DDX19B: variants seen among roughly 807,000 people sequenced by gnomAD.
DDX19B encodes the protein ATP-dependent RNA helicase DDX19B.
Under a neutral mutation model 58.1 loss-of-function variants are expected in DDX19B, and 27 were observed. The ratio of observed to expected loss-of-function variants is 0.46; its 90% confidence interval spans 0.34 to 0.64. DDX19B has a LOEUF of 0.64. Ranked by LOEUF, DDX19B falls within the 30% of genes least tolerant of loss-of-function variation. DDX19B has a pLI of 0.01. For synonymous variants in DDX19B, 187 were observed against 214.4 expected (o/e 0.87, Z 1.12); for missense variants, 399 against 596.5 (o/e 0.67, Z 3.45).
chr16:70,292,847 T>C (rs1265767585), upstream of DDX19B, among the ~76,000 whole-genome samples: 1 of 152,078 alleles, frequency 6.6e-6, no homozygotes, highest in Non-Finnish European at 1.5e-5. Context: ...GGCTCATGCC[T>C]GTAATCCCAA....
chr16:70,315,174 A>G (rs927160607), intron 3 of DDX19B, among the ~76,000 whole-genome samples: 1 of 151,222 alleles, frequency 6.6e-6, no homozygotes, highest in Non-Finnish European at 1.5e-5. Flanking sequence ...CAGGAGATCG[A>G]GACCATCCTG....
chr16:70,292,439 G>A (rs750290764), upstream of DDX19B, among the ~76,000 whole-genome samples: 8 of 152,064 alleles, frequency 5.3e-5, no homozygotes, highest in Non-Finnish European at 7.3e-5. Flanking sequence ...GAGCCATCGC[G>A]TCCGGCCCCC....
intron 7 of DDX19B, among the ~76,000 whole-genome samples, chr16:70,328,507 A>G (rs1375119903): frequency 2.0e-5 from 3 of 151,124 alleles, no homozygotes; most frequent in African/African-American, 7.3e-5. Flanking sequence ...AGATTACATG[A>G]GCCCACCACC....
At chr16:70,326,865 C>T (rs924040381) in intron 7 of DDX19B, among the ~76,000 whole-genome samples, 3 of 147,804 alleles carry the variant, frequency 2.0e-5, no homozygotes, top group East Asian at 4.1e-4. Flanking sequence ...GAGAGAGTCT[C>T]GCCCTGTCGC....
chr16:70,327,003 T>A (rs924133494), intron 7 of DDX19B, among the ~76,000 whole-genome samples: 13 of 151,684 alleles, frequency 8.6e-5, no homozygotes, highest in Non-Finnish European at 1.8e-4. Context: ...CCCAGCTAAT[T>A]TTTTGTATTT....
intron 7 of DDX19B, among the ~76,000 whole-genome samples, chr16:70,326,153 A>G (rs916298973): frequency 6.6e-6 from 1 of 152,164 alleles, no homozygotes; most frequent in East Asian, 1.9e-4. Context: ...AACATTTTGC[A>G]CAGACCAGAC....
chr16:70,323,487 G>A (rs566069170), intron 5 of DDX19B, among the ~76,000 whole-genome samples: 7 of 150,172 alleles, frequency 4.7e-5, no homozygotes, highest in Admixed American at 1.3e-4. Context: ...ACAGTGGCGC[G>A]ATCTCGGCTC....
upstream of DDX19B, among the ~76,000 whole-genome samples, chr16:70,294,433 T>C (rs958532087): frequency 5.9e-5 from 9 of 152,274 alleles, no homozygotes; most frequent in Non-Finnish European, 8.8e-5. Context: ...GCTGAGAGAT[T>C]ATACTTGGAA....
rs772727702 is a variant in DDX19B, at chr16:70,312,651, A to G, written c.100A>G (p.Thr34Ala). 2 of 1,611,496 alleles carry G rather than the reference A, an allele frequency of 1.2e-6. No individual in the cohort carries two copies. Among genetic ancestry groups the G allele is most frequent in the South Asian group, 1.1e-5 (1 of 90,786 alleles). The change falls in exon 2 of 12, where the codon ACC becomes GCC. Residue 34 changes from threonine (T) to alanine (A), a missense_variant. Coordinates refer to ENST00000288071, the MANE Select transcript of DDX19B (RefSeq NM_007242.7). ...HLKEEKIKPDTNGAVVKTNAN... is the reference protein window; with the variant it reads ...HLKEEKIKPDANGAVVKTNAN... ...TAAGGAAGAGAAAATCAAACCAGAT[A>G]CCAATGGTAAGTAACTAATAGCTAG...
chr16:70,333,189 C>T (rs966186871), intron 11 of DDX19B, 30 bp downstream of exon 11: 11 of 1,160,316 alleles, frequency 9.5e-6, no homozygotes, highest in South Asian at 3.0e-5. Context: ...CTGTGCCTGG[C>T]GCCCTTTGCT....
intron 5 of DDX19B, 88 bp from the exon 6 acceptor site, chr16:70,324,497 A>C: frequency 8.6e-7 from 1 of 1,162,896 alleles, no homozygotes; most frequent in Non-Finnish European, 1.3e-6. Flanking sequence ...AAGGTCTCCT[A>C]TAAATGAATT....
chr16:70,294,935 T>G, upstream of DDX19B: 1 of 1,508,294 alleles, frequency 6.6e-7, no homozygotes, highest in East Asian at 2.5e-5. Flanking sequence ...TCTGCGAGGG[T>G]AGAAGCCAGA....
rs755741830 is a variant in DDX19B at position 70,331,773 on chromosome 16, C to T, written c.1075C>T (p.Gln359Ter). Residue 359 changes from glutamine (Q) to a stop codon, truncating the protein, a stop_gained, in exon 10 of 12, where the codon CAG becomes TAG. Transcript: ENST00000288071. LOFTEE classifies it high-confidence loss of function. The stretch of plus-strand genomic sequence containing the variant: ...AGCAGAGCTCTCAAAAGAAGGCCAC[C>T]AGGTGGCTCTGCTGAGTGGGGAGAT... ...LAAELSKEGH[Q>*]VALLSGEMMV... 1 of 1,614,200 alleles carries T rather than the reference C, an allele frequency of 6.2e-7. No homozygotes were observed. The highest frequency in any genetic ancestry group is 1.1e-5 in the South Asian group (1 of 91,084).
At chr16:70,296,771 C>G (rs1237007858), upstream of DDX19B, among the ~76,000 whole-genome samples, 1 of 152,074 alleles carries the variant, frequency 6.6e-6, no homozygotes, top group African/African-American at 2.4e-5. Context: ...TCCAGTTAAC[C>G]CTGTGAGAGT....
rs776708072 is a variant in DDX19B at position 70,299,354 on chromosome 16, G to A, written c.57G>A (p.Ser19=). The change falls in exon 1 of 12, where the codon TCG becomes TCA. Residue 19 remains serine, a splice_region_variant and synonymous_variant. Transcript: ENST00000288071. The part of the protein sequence containing the change: ...AVDEQEAAAE[S]LSNLHLKEEK... The stretch of plus-strand genomic sequence containing the variant: ...ACGAGCAGGAAGCTGCGGCTGAGTC[G>A]GTGAGTTGGCTTCAGCCCTAAAAGG... 2 of 1,607,420 alleles carry A rather than the reference G, an allele frequency of 1.2e-6. No homozygotes were observed. The highest frequency in any genetic ancestry group is 2.2e-5 in the South Asian group (2 of 89,826).
chr16:70,306,204 T>G (rs1482093191), intron 1 of DDX19B, among the ~76,000 whole-genome samples: 4 of 152,166 alleles, frequency 2.6e-5, no homozygotes, highest in Non-Finnish European at 5.9e-5. Context: ...CAGGCTGGAA[T>G]GCAGTGGTGT....
chr16:70,311,875 C>A (rs182081071), intron 1 of DDX19B, among the ~76,000 whole-genome samples: 2 of 151,814 alleles, frequency 1.3e-5, no homozygotes, highest in Non-Finnish European at 2.9e-5. Flanking sequence ...CGGAGTTTCA[C>A]TCTGTTGCCA....
chr16:70,310,118 C>T (rs901660063), intron 1 of DDX19B, among the ~76,000 whole-genome samples: 9 of 151,772 alleles, frequency 5.9e-5, no homozygotes, highest in Non-Finnish European at 1.3e-4. Flanking sequence ...CGCAGTGGCT[C>T]ATGCCTGTAA....
Position 70,333,973 on chromosome 16 carries a change from T to A in DDX19B, c.*391T>A, listed in dbSNP as rs1251050254. On this transcript the variant is annotated 3_prime_UTR_variant, in exon 12 of 12. Transcript: ENST00000288071. ...CAGCCTCCAGCTCCTGTGGAAGTAA[T>A]GGAATAGTGGTGGAAAGGGAACACA... is the stretch of plus-strand genomic sequence containing the variant. The A allele has an allele frequency of 3.5e-6, 1 of 284,550 alleles. No individual in the cohort carries two copies. Among genetic ancestry groups the A allele is most frequent in the Non-Finnish European group, 6.7e-6 (1 of 148,992 alleles). 17.6% of individuals were successfully genotyped at this position (284,550 alleles called of 1,614,324 possible).
Sources: gnomAD v4.1 joint callset for allele counts (sites outside exome capture counted in the v4.1 genomes callset) on GRCh38, gnomAD v4.1.1 for gene constraint, MANE v1.5 for transcripts, NCBI Gene and HGNC (gene_info 2026-07-23, HGNC 2026-07-21) for gene names.